Variants in ADPRHL1 observed in about 807,000 individuals in gnomAD.
ADPRHL1 encodes the protein inactive ADP-ribosyltransferase ARH2.
Under a neutral mutation model 44.1 loss-of-function variants are expected in ADPRHL1, and 43 were observed. That is an observed-to-expected ratio of 0.98 (90% CI 0.76 to 1.26). The LOEUF is 1.26. Ranked by LOEUF, ADPRHL1 falls within the 50% of genes most tolerant of loss-of-function variation. The probability of loss-of-function intolerance (pLI) is 0.00; values close to 1 mark genes in which losing one functional copy is unlikely to be tolerated. For missense variants in ADPRHL1, 2,022 were observed against 2,496.9 expected (o/e 0.81, Z 4.05); for synonymous variants, 878 against 1,017.4 (o/e 0.86, Z 2.61).
intron 1 of ADPRHL1, chr13:113,449,001 G>T: frequency 1.0e-6 from 1 of 986,418 alleles, no homozygotes; most frequent in Admixed American, 6.1e-5. Context: ...ACACACACCT[G>T]CTAAACGCTT....
chr13:113,438,398 T>C (rs1056279724), intron 2 of ADPRHL1, among the ~76,000 whole-genome samples: 1 of 152,124 alleles, frequency 6.6e-6, no homozygotes. Context: ...TTTATTCTTT[T>C]AAAAAAATTT....
In ADPRHL1 at chr13:113,404,569, T is replaced by C. The variant is rs7334623; in HGVS notation, c.4713A>G (p.Pro1571=). 798,817 of 1,300,362 alleles carry C rather than the reference T, an allele frequency of 0.61. 250,685 individuals carry two copies. Among genetic ancestry groups the C allele is most frequent in the African/African-American group, 0.85 (54,593 of 64,590 alleles). The allele number at this position is 1,300,362 out of a possible 1,614,324, so 80.6% of individuals were successfully genotyped here. A position where few individuals can be genotyped will look rare whatever the true frequency, so the allele number is the denominator to read the frequency against. The change falls in exon 8 of 8, where the codon CCA becomes CCG. Residue 1571 remains proline, a synonymous_variant. Coordinates refer to ENST00000612156, the MANE Select transcript of ADPRHL1 (RefSeq NM_001394807.1). ...QIEAQGQAQE[P]AQGGAQGQVQ... is the part of the protein sequence containing the mutation. ...CCTGTCCCTGGGCCCCACCCTGAGC[T>C]GGTTCCTGTGCCTGCCCCTGGGCCT...
At chr13:113,438,429 T>A (rs1595553018) in intron 2 of ADPRHL1, among the ~76,000 whole-genome samples, 1 of 152,096 alleles carries the variant, frequency 6.6e-6, no homozygotes, top group Non-Finnish European at 1.5e-5. Context: ...CATGGTGGCT[T>A]ATGCCTGTAA....
chr13:113,428,844 A>G, intron 4 of ADPRHL1, 108 bp downstream of exon 4: 2 of 1,520,282 alleles, frequency 1.3e-6, no homozygotes, highest in Admixed American at 3.5e-5. Flanking sequence ...GGGCCCTCCC[A>G]GTTCCATCTA....
intron 2 of ADPRHL1, among the ~76,000 whole-genome samples, chr13:113,437,512 G>A (rs1230174176): frequency 4.6e-5 from 7 of 152,338 alleles, no homozygotes; most frequent in Middle Eastern, 3.4e-3. Context: ...GCGACCGTGC[G>A]TGTTACTCGG....
chr13:113,449,148 C>G (rs931401677), intron 1 of ADPRHL1: 1 of 1,017,388 alleles, frequency 9.8e-7, no homozygotes, highest in Non-Finnish European at 1.2e-6. Flanking sequence ...GTGCCCTGTT[C>G]AGAGAGGCTC....
chr13:113,410,108 C>G, intron 7 of ADPRHL1: 2 of 985,352 alleles, frequency 2.0e-6, no homozygotes, highest in Non-Finnish European at 2.4e-6. Context: ...GCCGTGTTGC[C>G]GTGGGCACGC....
rs543214515 is a variant in ADPRHL1, at chr13:113,406,066, C to T, written c.3216G>A (p.Pro1072=). 37 of 1,232,166 alleles carry T rather than the reference C, an allele frequency of 3.0e-5. No individual in the cohort carries two copies. The highest frequency in any genetic ancestry group is 2.3e-4 in the African/African-American group (15 of 64,560). The allele number at this position is 1,232,166 out of a possible 1,614,324, so 76.3% of individuals were successfully genotyped here. The change falls in exon 8 of 8, where the codon CCG becomes CCA. Residue 1072 remains proline, a synonymous_variant. Transcript: ENST00000612156. ...GGGGCTGAGAAGACTCTATTAGCAG[C>T]GGCCTTCTGCATTCCTCCAGCGCAC... ...VPGALEECRR[P]LLIESSQPLK...
chr13:113,424,018 A>G (rs1234667870), intron 6 of ADPRHL1, among the ~76,000 whole-genome samples, 199 bp downstream of exon 6: 1 of 152,202 alleles, frequency 6.6e-6, no homozygotes, highest in East Asian at 1.9e-4. Flanking sequence ...ATGTCCTCAC[A>G]TGAGCACGCT....
chr13:113,446,253 C>G (rs2044137081), intron 1 of ADPRHL1, among the ~76,000 whole-genome samples: 1 of 151,012 alleles, frequency 6.6e-6, no homozygotes, highest in African/African-American at 2.4e-5. Context: ...TGCAAACCCC[C>G]CAGAGAGAGT....
Position 113,404,976 on chromosome 13 carries a change from A to G in ADPRHL1, c.4306T>C (p.Cys1436Arg). The change falls in exon 8 of 8, where the codon TGC (cysteine) becomes CGC (arginine). Residue 1436 changes from cysteine (C) to arginine (R), a missense_variant. Coordinates refer to ENST00000612156, the MANE Select transcript of ADPRHL1 (RefSeq NM_001394807.1). ...TGCTGACCTTGGTCACTGCGCTGGC[A>G]GGCGCCCCCAACCCCAATGGCCATC... is the stretch of plus-strand genomic sequence containing the variant. ...KGMAIGVGGA[C>R]QRSDQGQQHL... 1 of 1,235,040 alleles carries G rather than the reference A, an allele frequency of 8.1e-7. No homozygotes were observed. The highest frequency in any genetic ancestry group is 1.0e-6 in the Non-Finnish European group (1 of 990,266). 76.5% of individuals were successfully genotyped at this position (1,235,040 alleles called of 1,614,324 possible). A position where few individuals can be genotyped will look rare whatever the true frequency, so the allele number is the denominator to read the frequency against.
chr13:113,413,150 G>A (rs1313002325), intron 7 of ADPRHL1, among the ~76,000 whole-genome samples: 10 of 149,474 alleles, frequency 6.7e-5, no homozygotes, highest in East Asian at 1.9e-4. Flanking sequence ...TTCACCCACC[G>A]CCAACAGCGC....
chr13:113,424,126 G>T, intron 6 of ADPRHL1, 91 bp downstream of exon 6: 1 of 1,511,618 alleles, frequency 6.6e-7, no homozygotes, highest in African/African-American at 1.4e-5. Context: ...GGTGGCCCCT[G>T]AATGCCTGCA....
chr13:113,430,152 C>T, intron 3 of ADPRHL1, among the ~76,000 whole-genome samples: 1 of 152,318 alleles, frequency 6.6e-6, no homozygotes, highest in African/African-American at 2.4e-5. Context: ...CCACTAGGCT[C>T]CCATCCACCA....
intron 1 of ADPRHL1, among the ~76,000 whole-genome samples, chr13:113,448,656 C>T (rs1195385151): frequency 7.0e-6 from 1 of 142,630 alleles, no homozygotes; most frequent in Non-Finnish European, 1.5e-5. Context: ...AGGTGCTGGC[C>T]CTGTGCCCTG....
At position 113,404,007 on chromosome 13, in the gene ADPRHL1, C is replaced by G. The variant is rs2043784656; in HGVS notation, c.5275G>C (p.Glu1759Gln). 2 of 1,323,474 alleles carry G rather than the reference C, an allele frequency of 1.5e-6. No individual in the cohort carries two copies. The highest frequency in any genetic ancestry group is 2.4e-5 in the South Asian group (1 of 41,462). 82.0% of individuals were successfully genotyped at this position (1,323,474 alleles called of 1,614,324 possible). A position where few individuals can be genotyped will look rare whatever the true frequency, so the allele number is the denominator to read the frequency against. The change falls in exon 8 of 8, where the codon GAG (glutamate) becomes CAG (glutamine). Residue 1759 changes from glutamate to glutamine, a missense_variant. By Grantham distance (29) the Glu-to-Gln change is conservative (BLOSUM62 2). Coordinates refer to ENST00000612156, the MANE Select transcript of ADPRHL1 (RefSeq NM_001394807.1). ...QEQGREQTHIEAQGQAQKGAQ... is the reference protein window; with the variant it reads ...QEQGREQTHIQAQGQAQKGAQ... ...CCTTTCTGGGCCTGACCCTGAGCCT[C>G]TATGTGGGTCTGCTCCCGACCCTGT...
At chr13:113,420,150 C>T (rs190767704) in intron 7 of ADPRHL1, among the ~76,000 whole-genome samples, 353 of 152,246 alleles carry the variant, frequency 2.3e-3, no homozygotes, top group Non-Finnish European at 4.3e-3. Context: ...TGAAACCTGC[C>T]GGTGCCGTTT....
rs1449099044 is a variant in ADPRHL1, at chr13:113,400,202, G to A, written c.*3176C>T. 1 of 144,170 alleles carries A rather than the reference G, an allele frequency of 6.9e-6. No individual in the cohort carries two copies. The highest frequency in any genetic ancestry group is 2.0e-4 in the East Asian group (1 of 4,994). The allele number at this position is 144,170 out of a possible 1,614,324, so 8.9% of individuals were successfully genotyped here. ...GCTCTGTCACCCAGGCTGGAGTGCA[G>A]TGGCGCAATCTCGGCTCACTGCAAG... On this transcript the variant is annotated 3_prime_UTR_variant, in exon 8 of 8. Coordinates refer to ENST00000612156, the MANE Select transcript of ADPRHL1 (RefSeq NM_001394807.1).
At chr13:113,449,758 A>G (rs2044167140) in intron 1 of ADPRHL1, among the ~76,000 whole-genome samples, 1 of 152,190 alleles carries the variant, frequency 6.6e-6, no homozygotes, top group Non-Finnish European at 1.5e-5. Flanking sequence ...TCCATTTGTA[A>G]AAGTCTGCCT....
Sources: allele counts gnomAD v4.1 joint callset (sites outside exome capture counted in the v4.1 genomes callset), GRCh38; gene constraint gnomAD v4.1.1; transcripts MANE v1.5; gene names NCBI Gene and HGNC (gene_info 2026-07-23, HGNC 2026-07-21).